GPR153: variants seen among roughly 807,000 people sequenced by gnomAD.
GPR153 encodes the protein G protein-coupled receptor 153.
A neutral mutation model predicts 34.1 loss-of-function variants in GPR153; 27 were observed. That is an observed-to-expected ratio of 0.79 (90% CI 0.58 to 1.09). The LOEUF (loss-of-function observed/expected upper bound fraction) is 1.09. Ranked by LOEUF, GPR153 falls within the 50% of genes least tolerant of loss-of-function variation. GPR153 has a pLI of 0.00. For synonymous variants in GPR153, 408 were observed against 405.4 expected (o/e 1.01, Z -0.08); for missense variants, 848 against 860.2 (o/e 0.99, Z 0.18).
Position 6,253,772 on chromosome 1 carries a change from G to A in GPR153, c.732C>T (p.Gly244=). The change falls in exon 3 of 6, where the codon GGC becomes GGT. Residue 244 remains glycine, a synonymous_variant. Transcript: ENST00000377893. ...EPAKTSLQTT[G]LVTTIVFIYD... is the part of the protein sequence containing the mutation. ...AGATGAAGACTATGGTGGTCACGAG[G>A]CCCGTGGTCTGCAGAGAGGTTTTGG... The A allele has an allele frequency of 6.5e-7, 1 of 1,548,382 alleles. No homozygotes were observed. Among genetic ancestry groups the A allele is most frequent in the South Asian group, 1.2e-5 (1 of 80,538 alleles).
At chr1:6,255,465 G>A (rs1333114699) in intron 1 of GPR153, among the ~76,000 whole-genome samples, 1 of 150,864 alleles carries the variant, frequency 6.6e-6, no homozygotes, top group Non-Finnish European at 1.5e-5. Context: ...CCAAAGTGCT[G>A]GGATTACAAG....
At position 6,250,614 on chromosome 1, in the gene GPR153, C is replaced by T. The variant is rs140518856; in HGVS notation, c.990G>A (p.Leu330=). The change falls in exon 5 of 6, where the codon CTG becomes CTA. Residue 330 remains leucine, a synonymous_variant. Transcript: ENST00000377893. The part of the protein sequence containing the change: ...NDEESDDETS[L]EGGISPDLVL... ...CCAGGTCCGGGGAGATGCCACCTTC[C>T]AGGCTGGTCTCTGTAGGGTGGGGGG... is the stretch of plus-strand genomic sequence containing the variant. 794 of 1,447,028 alleles carry T rather than the reference C, an allele frequency of 5.5e-4. 7 individuals carry two copies. The South Asian group carries it at 8.3e-3, about 15-fold the overall frequency. 89.6% of individuals were successfully genotyped at this position (1,447,028 alleles called of 1,614,324 possible).
rs1638395406 is a variant in GPR153 at position 6,249,761 on chromosome 1, A to G, written c.1407T>C (p.Asp469=). 1.8e-6 allele frequency: 2 copies of G among 1,126,894 alleles called. No individual in the cohort carries two copies. Among genetic ancestry groups the G allele is most frequent in the Non-Finnish European group, 2.2e-6 (2 of 923,460 alleles). The allele number at this position is 1,126,894 out of a possible 1,614,324, so 69.8% of individuals were successfully genotyped here. Reference sequence around the variant, plus strand: ...AGTCGCGGGCTCCCCGCGGGCCGCTATCCAGGGCCGAGGGCCGCAGCGACA... The same window carrying G: ...AGTCGCGGGCTCCCCGCGGGCCGCTGTCCAGGGCCGAGGGCCGCAGCGACA... The part of the protein sequence containing the change: ...SLLSLRPSAL[D]SGPRGARDSP... The change falls in exon 6 of 6, where the codon GAT becomes GAC. Residue 469 remains aspartate, a synonymous_variant. Transcript: ENST00000377893. This position sits in a 1 kb window ranked among gnomAD's most constrained non-coding sequence, Gnocchi z 4.3.
intron 3 of GPR153, among the ~76,000 whole-genome samples, chr1:6,252,880 G>A (rs1261544836): frequency 1.3e-5 from 2 of 152,080 alleles, no homozygotes; most frequent in African/African-American, 4.8e-5. Context: ...GACCTTTGTC[G>A]GCAAGGCCTT....
chr1:6,249,759 C>A lies in GPR153; in HGVS notation c.1409G>T (p.Ser470Ile). 2.7e-6 allele frequency: 3 copies of A among 1,118,750 alleles called. No homozygotes were observed. Among genetic ancestry groups the A allele is most frequent in the Non-Finnish European group, 3.3e-6 (3 of 917,620 alleles). 69.3% of individuals were successfully genotyped at this position (1,118,750 alleles called of 1,614,324 possible). A position where few individuals can be genotyped will look rare whatever the true frequency, so the allele number is the denominator to read the frequency against. ...CGAGTCGCGGGCTCCCCGCGGGCCGCTATCCAGGGCCGAGGGCCGCAGCGA... is the reference window on the plus strand; with the variant it reads ...CGAGTCGCGGGCTCCCCGCGGGCCGATATCCAGGGCCGAGGGCCGCAGCGA... Reference protein sequence around the residue: ...LLSLRPSALDSGPRGARDSPP... With the variant: ...LLSLRPSALDIGPRGARDSPP... The change falls in exon 6 of 6, where the codon AGC becomes ATC. Residue 470 changes from serine (S) to isoleucine (I), a missense_variant. By Grantham distance (142) the Ser-to-Ile change is moderately radical. Transcript: ENST00000377893. This position sits in a 1 kb window ranked among gnomAD's most constrained non-coding sequence, Gnocchi z 4.3.
In GPR153 at chr1:6,249,858, CGGCGCCGCTCGG is replaced by C. The variant is rs1557610982; in HGVS notation, c.1298_1309del (p.Pro433_Arg436del). The C allele has an allele frequency of 7.9e-7, 1 of 1,267,584 alleles. No homozygotes were observed. Among genetic ancestry groups the C allele is most frequent in the African/African-American group, 1.6e-5 (1 of 63,830 alleles). 78.5% of individuals were successfully genotyped at this position (1,267,584 alleles called of 1,614,324 possible). A position where few individuals can be genotyped will look rare whatever the true frequency, so the allele number is the denominator to read the frequency against. On this transcript the variant is annotated inframe_deletion, in exon 6 of 6. Transcript: ENST00000377893. The surrounding 1 kb of genome is among the most constrained non-coding windows in gnomAD (Gnocchi z 4.3). Reference sequence around the variant, plus strand: ...CTCCGCGAAGGCCAGGAGGCTGGCGCGGCGCCGCTCGGGCCCGGCAGGCAGCACCAGGTGCGC... The same window carrying C: ...CTCCGCGAAGGCCAGGAGGCTGGCGCGCCCGGCAGGCAGCACCAGGTGCGC...
Position 6,260,321 on chromosome 1 carries a change from C to T in GPR153, c.-110+504G>A, listed in dbSNP as rs1233113801. Among the ~76,000 whole-genome samples, 13 of 151,436 alleles carry T rather than the reference C, an allele frequency of 8.6e-5. No homozygotes were observed. In the East Asian group the frequency reaches 2.2e-3, roughly 25 times the overall value. On this transcript the variant is annotated intron_variant, in intron 1 of 5. Coordinates refer to ENST00000377893, the MANE Select transcript of GPR153 (RefSeq NM_207370.4). ...CGCGCAGCGCGAGGCCTGGACATCT[C>T]CGGCACGCCCCCCCCAGCCCCCGCC... is the stretch of plus-strand genomic sequence containing the variant.
Position 6,250,638 on chromosome 1 carries a change from G to T in GPR153, c.980-14C>A, listed in dbSNP as rs201438635. 9.7e-6 allele frequency: 2 copies of T among 205,894 alleles called. No homozygotes were observed. The highest frequency in any genetic ancestry group is 3.8e-4 in the East Asian group (2 of 5,236). The allele number at this position is 205,894 out of a possible 1,614,324, so 12.8% of individuals were successfully genotyped here. A position where few individuals can be genotyped will look rare whatever the true frequency, so the allele number is the denominator to read the frequency against. ...CCAGGCTGGTCTCTGTAGGGTGGGG[G>T]GTGGGTGGGGGGGCAGAGCCTTAGG... On this transcript the variant is annotated splice_polypyrimidine_tract_variant and intron_variant, in intron 4 of 5. Coordinates refer to ENST00000377893, the MANE Select transcript of GPR153 (RefSeq NM_207370.4).
At chr1:6,259,528 T>C (rs1339674412) in intron 1 of GPR153, among the ~76,000 whole-genome samples, 1 of 144,602 alleles carries the variant, frequency 6.9e-6, no homozygotes, top group African/African-American at 2.6e-5. Flanking sequence ...AGAGCTGAGG[T>C]CTTTCTGAGC....
intron 5 of GPR153, 34 bp from the exon 6 acceptor site, chr1:6,250,037 G>GC (rs1480149505): frequency 8.0e-7 from 1 of 1,256,812 alleles, no homozygotes; most frequent in Non-Finnish European, 1.0e-6. Flanking sequence ...ACCCCGAGCT[G>GC]CCCTCCTGGG....
In GPR153 at chr1:6,253,834, C is replaced by T; in HGVS notation, c.670G>A (p.Gly224Ser). Reference sequence around the variant, plus strand: ...CCATCGATGGAGGAGCGCCGCTTGCCCTGCGCGTCCTCCACCACGATGGTG... The same window carrying T: ...CCATCGATGGAGGAGCGCCGCTTGCTCTGCGCGTCCTCCACCACGATGGTG... ...VPTIVVEDAQ[G>S]KRRSSIDGSE... The change falls in exon 3 of 6, where the codon GGC becomes AGC. Residue 224 changes from glycine to serine, a missense_variant. Coordinates refer to ENST00000377893, the MANE Select transcript of GPR153 (RefSeq NM_207370.4). 1 of 1,599,496 alleles carries T rather than the reference C, an allele frequency of 6.3e-7. No individual in the cohort carries two copies. The highest frequency in any genetic ancestry group is 8.5e-7 in the Non-Finnish European group (1 of 1,170,450).
At position 6,249,421 on chromosome 1, in the gene GPR153, T is replaced by TGCCGCC. The variant is rs999565649; in HGVS notation, c.1741_1746dup (p.Gly581_Gly582dup). 2.2e-6 allele frequency: 3 copies of TGCCGCC among 1,362,170 alleles called. No homozygotes were observed. In the East Asian group the frequency reaches 9.5e-5, roughly 43 times the overall value. The allele number at this position is 1,362,170 out of a possible 1,614,324, so 84.4% of individuals were successfully genotyped here. On this transcript the variant is annotated inframe_insertion, in exon 6 of 6. Coordinates refer to ENST00000377893, the MANE Select transcript of GPR153 (RefSeq NM_207370.4). This position sits in a 1 kb window ranked among gnomAD's most constrained non-coding sequence, Gnocchi z 4.3. ...GGGGAACTCAGGAAGCTGCTGGTGC[T>TGCCGCC]GCCGCCGCCGCCCGCCGCGCGCAGC...
chr1:6,259,381 C>T (rs1048897404), intron 1 of GPR153, among the ~76,000 whole-genome samples: 2 of 152,146 alleles, frequency 1.3e-5, no homozygotes, highest in Non-Finnish European at 2.9e-5. Flanking sequence ...CCAGCAGAAG[C>T]AGGGAGAGGT....
rs1638665908 is a variant in GPR153 at position 6,260,915 on chromosome 1, C to G, written c.-200G>C. On this transcript the variant is annotated 5_prime_UTR_variant, in exon 1 of 6. Transcript: ENST00000377893. ...CGCCCCCGGGCCGAGCGCAGGCCGC[C>G]GAGGGCCGCGGGGGTGGCTGGCGGC... is the stretch of plus-strand genomic sequence containing the variant. 1 of 147,528 alleles carries G rather than the reference C, an allele frequency of 6.8e-6. No homozygotes were observed. Among genetic ancestry groups the G allele is most frequent in the Non-Finnish European group, 1.5e-5 (1 of 66,464 alleles). 9.1% of individuals were successfully genotyped at this position (147,528 alleles called of 1,614,324 possible). A position where few individuals can be genotyped will look rare whatever the true frequency, so the allele number is the denominator to read the frequency against.
At position 6,251,089 on chromosome 1, in the gene GPR153, G is replaced by T. The variant is rs1638438754; in HGVS notation, c.979+249C>A. On this transcript the variant is annotated intron_variant, in intron 4 of 5. Transcript: ENST00000377893. The surrounding 1 kb of genome is among the most constrained non-coding windows in gnomAD (Gnocchi z 4.9). Reference sequence around the variant, plus strand: ...GAGCACTTGCAGACATGTCTACCCTGCTCTCTGTTAACCAGAACATCCCAT... The same window carrying T: ...GAGCACTTGCAGACATGTCTACCCTTCTCTCTGTTAACCAGAACATCCCAT... 6.6e-6 allele frequency among the ~76,000 whole-genome samples: 1 copy of T among 152,154 alleles called. No individual in the cohort carries two copies. Among genetic ancestry groups the T allele is most frequent in the South Asian group, 2.1e-4 (1 of 4,834 alleles).
chr1:6,252,831 C>T (rs1638478533), intron 3 of GPR153, among the ~76,000 whole-genome samples: 2 of 152,186 alleles, frequency 1.3e-5, no homozygotes, highest in East Asian at 1.9e-4. Flanking sequence ...CTGGTCCCAG[C>T]TTCACCAAGA....
At chr1:6,252,792 C>T (rs577685880) in intron 3 of GPR153, among the ~76,000 whole-genome samples, 1 of 152,286 alleles carries the variant, frequency 6.6e-6, no homozygotes, top group Admixed American at 6.5e-5. Flanking sequence ...GGGTTGGCTA[C>T]TGAGTCCAGA....
intron 1 of GPR153, among the ~76,000 whole-genome samples, chr1:6,256,259 A>G (rs912866165): frequency 2.0e-5 from 3 of 152,208 alleles, no homozygotes; most frequent in Admixed American, 2.0e-4. Context: ...TCTTTGAAGC[A>G]CAGACCAGGC....
At chr1:6,255,892 T>A (rs1638560595) in intron 1 of GPR153, among the ~76,000 whole-genome samples, 2 of 151,904 alleles carry the variant, frequency 1.3e-5, no homozygotes, top group African/African-American at 4.8e-5. Context: ...GACCTTGTGA[T>A]CCACCCGCCT....
Sources: gnomAD v4.1 joint callset for allele counts (sites outside exome capture counted in the v4.1 genomes callset) on GRCh38, gnomAD v4.1.1 for gene constraint, Gnocchi (gnomAD v3.1) non-coding constraint, MANE v1.5 for transcripts, NCBI Gene and HGNC (gene_info 2026-07-23, HGNC 2026-07-21) for gene names.